The following CGA variants were observed in gnomAD, a reference collection of about 807,000 sequenced individuals.
CGA encodes glycoprotein hormones alpha chain.
CGA carries 4 observed loss-of-function variants against 12.0 expected under a neutral mutation model. That is an observed-to-expected ratio of 0.33 (90% CI 0.16 to 0.76). The LOEUF (loss-of-function observed/expected upper bound fraction) is 0.76, where lower values mean the gene tolerates loss of function less well. Among genes scored for constraint, CGA ranks in the 30% least tolerant of loss-of-function variants. CGA has a pLI of 0.60. For synonymous variants in CGA, 60 were observed against 56.6 expected (o/e 1.06, Z -0.27); for missense variants, 102 against 143.5 (o/e 0.71, Z 1.48).
rs1769357528 is a variant in CGA, at chr6:87,088,132, A to G, written c.69T>C (p.His23=). 3.1e-6 allele frequency: 5 copies of G among 1,597,792 alleles called. No homozygotes were observed. In the East Asian group the frequency reaches 1.1e-4, roughly 36 times the overall value. Residue 23 remains histidine (H), a synonymous_variant, in exon 2 of 4, where the codon CAT becomes CAC. Transcript: ENST00000627148. ...VTLSVFLHVL[H]SAPDVQDCPE... ...ACGCACCCTGCACATCAGGAGCGGA[A>G]TGGAGAACATGCAGAAACACCGACA...
At position 87,086,319 on chromosome 6, in the gene CGA, C is replaced by G. The variant is rs142907318; in HGVS notation, c.204G>C (p.Lys68Asn). 6.2e-7 allele frequency: 1 copy of G among 1,614,102 alleles called. No individual in the cohort carries two copies. Among genetic ancestry groups the G allele is most frequent in the Non-Finnish European group, 8.5e-7 (1 of 1,180,006 alleles). ...CGTTCTTTTGGACCAACATCGTCTT[C>G]TTGGACCTTAGTGGAGTGGGATATG... is the stretch of plus-strand genomic sequence containing the variant. Reference protein sequence around the residue: ...SRAYPTPLRSKKTMLVQKNVT... With the variant: ...SRAYPTPLRSNKTMLVQKNVT... Residue 68 changes from lysine (K) to asparagine (N), a missense_variant, in exon 3 of 4, where the codon AAG becomes AAC. Lys to Asn is a moderately conservative substitution (Grantham distance 94). Coordinates refer to ENST00000627148, the MANE Select transcript of CGA (RefSeq NM_000735.4).
rs1307731932 is a variant in CGA at position 87,088,159 on chromosome 6, T to C, written c.42A>G (p.Thr14=). The C allele has an allele frequency of 2.5e-6, 4 of 1,594,228 alleles. No individual in the cohort carries two copies. Among genetic ancestry groups the C allele is most frequent in the East Asian group, 2.3e-5 (1 of 44,190 alleles). ...YRKYAAIFLV[T]LSVFLHVLHS... is the part of the protein sequence containing the mutation. ...GGAGAACATGCAGAAACACCGACAATGTGACCAGAAAGATAGCTGCATATT... is the reference window on the plus strand; with the variant it reads ...GGAGAACATGCAGAAACACCGACAACGTGACCAGAAAGATAGCTGCATATT... Residue 14 remains threonine, a synonymous_variant, in exon 2 of 4, where the codon ACA becomes ACG. Transcript: ENST00000627148.
At position 87,085,828 on chromosome 6, in the gene CGA, T is replaced by C. The variant is rs139810378; in HGVS notation, c.279A>G (p.Thr93=). The C allele has an allele frequency of 1.0e-3, 1,602 of 1,603,636 alleles. 15 individuals carry two copies. Among genetic ancestry groups the C allele is most frequent in the Non-Finnish European group, 1.8e-4 (212 of 1,170,804 alleles). ...TCTCCACTTTGAAACCCCCCATTAC[T>C]GTGACCTAAAGGGGAAGGAAAAAAA... The part of the protein sequence containing the change: ...CCVAKSYNRV[T]VMGGFKVENH... Residue 93 remains threonine (T), a synonymous_variant, in exon 4 of 4, where the codon ACA becomes ACG. Transcript: ENST00000627148.
intron 1 of CGA, chr6:87,089,195 A>T (rs533430211): frequency 4.6e-4 from 70 of 152,362 alleles, no homozygotes; most frequent in African/African-American, 1.6e-3. Flanking sequence ...TTATAGAGAT[A>T]GAGAATAGAT....
At chr6:87,088,091 A>T in intron 2 of CGA, 22 bp downstream of exon 2, 1 of 1,484,724 alleles carries the variant, frequency 6.7e-7, no homozygotes, top group Non-Finnish European at 9.2e-7. Context: ...TTATTACTTG[A>T]ACCACAAATT....
chr6:87,091,481 C>T (rs1021228202), intron 1 of CGA, among the ~76,000 whole-genome samples: 1 of 152,150 alleles, frequency 6.6e-6, no homozygotes, highest in African/African-American at 2.4e-5. Context: ...AGGATTTATG[C>T]TATTTTGCAA....
chr6:87,090,358 T>C (rs1293001178), intron 1 of CGA, among the ~76,000 whole-genome samples: 1 of 152,180 alleles, frequency 6.6e-6, no homozygotes, highest in Non-Finnish European at 1.5e-5. Flanking sequence ...ACATGACATG[T>C]AATTTTACAA....
At chr6:87,089,514 G>T (rs1036920120) in intron 1 of CGA, among the ~76,000 whole-genome samples, 5 of 152,108 alleles carry the variant, frequency 3.3e-5, no homozygotes, top group African/African-American at 1.2e-4. Flanking sequence ...GGACTTCTCT[G>T]TACATTTTTT....
chr6:87,087,709 G>A (rs563304517), intron 2 of CGA: 3 of 153,286 alleles, frequency 2.0e-5, no homozygotes, highest in Non-Finnish European at 2.9e-5. Context: ...CAAATTTACT[G>A]TATAAAATGG....
At chr6:87,088,055 T>G (rs755211299) in intron 2 of CGA, 58 bp downstream of exon 2, 2 of 884,466 alleles carry the variant, frequency 2.3e-6, no homozygotes, top group Non-Finnish European at 3.5e-6. Flanking sequence ...GAGTTATTGA[T>G]GTACATCTAG....
rs372548569 is a variant in CGA, at chr6:87,085,723, C to A, written c.*33G>T. 5.9e-5 allele frequency: 84 copies of A among 1,430,308 alleles called. No individual in the cohort carries two copies. Among genetic ancestry groups the A allele is most frequent in the Non-Finnish European group, 8.2e-5 (83 of 1,015,860 alleles). The allele number at this position is 1,430,308 out of a possible 1,614,324, so 88.6% of individuals were successfully genotyped here. A position where few individuals can be genotyped will look rare whatever the true frequency, so the allele number is the denominator to read the frequency against. ...AACTTAATTTTCCATTCCAGAAAAT[C>A]AGCAGTCATCAAGACAGCACTTGGT... On this transcript the variant is annotated 3_prime_UTR_variant, in exon 4 of 4. Coordinates refer to ENST00000627148, the MANE Select transcript of CGA (RefSeq NM_000735.4).
At position 87,086,646 on chromosome 6, in the gene CGA, C is replaced by T. The variant is rs781221994; in HGVS notation, c.89-212G>A. On this transcript the variant is annotated intron_variant, in intron 2 of 3. Coordinates refer to ENST00000627148, the MANE Select transcript of CGA (RefSeq NM_000735.4). Reference sequence around the variant, plus strand: ...ACAACAACAACAAAAATTAGCCAGACGTGATGGTGCACACCTGTAGTCCCA... The same window carrying T: ...ACAACAACAACAAAAATTAGCCAGATGTGATGGTGCACACCTGTAGTCCCA... The T allele has an allele frequency of 1.7e-5, 9 of 524,760 alleles. No individual in the cohort carries two copies. In the South Asian group the frequency reaches 2.0e-4, roughly 12 times the overall value. The allele number at this position is 524,760 out of a possible 1,614,324, so 32.5% of individuals were successfully genotyped here.
chr6:87,093,231 C>T (rs1207415540), intron 1 of CGA, among the ~76,000 whole-genome samples: 1 of 152,194 alleles, frequency 6.6e-6, no homozygotes, highest in African/African-American at 2.4e-5. Flanking sequence ...TGTACTACCC[C>T]TATAGCCTAG....
chr6:87,086,170 A>G, intron 3 of CGA, 80 bp downstream of exon 3: 1 of 1,315,882 alleles, frequency 7.6e-7, no homozygotes, highest in Non-Finnish European at 1.1e-6. Context: ...CACCTTTGGC[A>G]TTAAATTCCA....
chr6:87,085,821 C>G lies in CGA; in HGVS notation c.286G>C (p.Gly96Arg). ...GTGTGGTTCTCCACTTTGAAACCCC[C>G]CATTACTGTGACCTAAAGGGGAAGG... The part of the protein sequence containing the change: ...AKSYNRVTVM[G>R]GFKVENHTAC... Residue 96 changes from glycine (G) to arginine (R), a missense_variant, in exon 4 of 4, where the codon GGG (glycine) becomes CGG (arginine). Coordinates refer to ENST00000627148, the MANE Select transcript of CGA (RefSeq NM_000735.4). 6.2e-7 allele frequency: 1 copy of G among 1,608,750 alleles called. No homozygotes were observed. Among genetic ancestry groups the G allele is most frequent in the Non-Finnish European group, 8.5e-7 (1 of 1,175,472 alleles).
At chr6:87,091,383 T>C (rs1469160444) in intron 1 of CGA, among the ~76,000 whole-genome samples, 2 of 152,214 alleles carry the variant, frequency 1.3e-5, no homozygotes, top group African/African-American at 4.8e-5. Flanking sequence ...TTAATAAATA[T>C]TTTTATCATC....
chr6:87,085,561 A>G lies in CGA; in HGVS notation c.*195T>C. On this transcript the variant is annotated 3_prime_UTR_variant, in exon 4 of 4. Transcript: ENST00000627148. ...AAGCTAAATGCTGTATTCATTCCAA[A>G]TGAAAAGAACTAGACTGCTGATTGT... The G allele has an allele frequency of 1.8e-6, 1 of 544,908 alleles. No homozygotes were observed. The highest frequency in any genetic ancestry group is 2.3e-5 in the South Asian group (1 of 44,098). The allele number at this position is 544,908 out of a possible 1,614,324, so 33.8% of individuals were successfully genotyped here. A position where few individuals can be genotyped will look rare whatever the true frequency, so the allele number is the denominator to read the frequency against.
At chr6:87,089,174 A>T (rs1214358863) in intron 1 of CGA, 1 of 152,218 alleles carries the variant, frequency 6.6e-6, no homozygotes, top group Admixed American at 6.5e-5. Flanking sequence ...AACACTGTGG[A>T]AATAACAAAA....
chr6:87,093,529 C>G (rs1290261889), intron 1 of CGA, among the ~76,000 whole-genome samples: 1 of 152,322 alleles, frequency 6.6e-6, no homozygotes, highest in East Asian at 1.9e-4. Flanking sequence ...TGATAGCAAA[C>G]TACTCTAGGA....
Sources: allele counts gnomAD v4.1 joint callset (sites outside exome capture counted in the v4.1 genomes callset), GRCh38; gene constraint gnomAD v4.1.1; transcripts MANE v1.5; gene names NCBI Gene and HGNC (gene_info 2026-07-23, HGNC 2026-07-21).